PEX5L: variants seen among roughly 807,000 people sequenced by gnomAD.
The protein encoded by PEX5L is PEX5-related protein.
A neutral mutation model predicts 84.0 loss-of-function variants in PEX5L; 30 were observed. The observed-to-expected ratio is 0.36, with a 90% CI of 0.27 to 0.48. PEX5L has a LOEUF of 0.48. Among genes scored for constraint, PEX5L ranks in the 20% least tolerant of loss-of-function variants. The probability of loss-of-function intolerance (pLI) is 0.99; values close to 1 mark genes in which losing one functional copy is unlikely to be tolerated. For synonymous variants in PEX5L, 270 were observed against 283.1 expected (o/e 0.95, Z 0.46); for missense variants, 533 against 754.6 (o/e 0.71, Z 3.44).
rs954429456 is a variant in PEX5L at position 179,800,378 on chromosome 3, C to T, written c.*1450G>A. 3.3e-5 allele frequency: 5 copies of T among 151,978 alleles called. No individual in the cohort carries two copies. Among genetic ancestry groups the T allele is most frequent in the Admixed American group, 6.6e-5 (1 of 15,266 alleles). The allele number at this position is 151,978 out of a possible 1,614,324, so 9.4% of individuals were successfully genotyped here. ...TAGCTACTGTGGGGAAGGTTCTAGA[C>T]GAAGGAAGGAGACCAGGTAAAGAAG... is the stretch of plus-strand genomic sequence containing the variant. On this transcript the variant is annotated 3_prime_UTR_variant, in exon 15 of 15. Transcript: ENST00000467460.
chr3:179,918,467 G>T (rs1768047912), intron 2 of PEX5L, among the ~76,000 whole-genome samples: 1 of 152,140 alleles, frequency 6.6e-6, no homozygotes, highest in Non-Finnish European at 1.5e-5. Flanking sequence ...TAAAATTCTT[G>T]AAGACATTGT....
rs1721933139 is a variant in PEX5L at position 179,807,742 on chromosome 3, C to T, written c.1608G>A (p.Glu536=). Residue 536 remains glutamate, a synonymous_variant, in exon 14 of 15, where the codon GAG becomes GAA. Transcript: ENST00000467460. ...TGGACCGGATGAATCCTGGCTGAAT[C>T]TCCAGTGCTCGCGTATAGGCCTCCA... ...EAVEAYTRAL[E]IQPGFIRSRY... The T allele has an allele frequency of 6.2e-7, 1 of 1,614,188 alleles. No individual in the cohort carries two copies. Among genetic ancestry groups the T allele is most frequent in the Middle Eastern group, 1.6e-4 (1 of 6,062 alleles).
intron 7 of PEX5L, among the ~76,000 whole-genome samples, chr3:179,864,823 C>T (rs9682757): frequency 0.25 from 38,024 of 151,984 alleles, 5,733 homozygotes; most frequent in Non-Finnish European, 0.33. Context: ...CAGTAAAAAA[C>T]GAATTAATAA....
At chr3:179,918,381 T>TTTGG (rs2109347699) in intron 2 of PEX5L, among the ~76,000 whole-genome samples, 1 of 152,314 alleles carries the variant, frequency 6.6e-6, no homozygotes, top group Admixed American at 6.5e-5. Context: ...AAATCCAGGA[T>TTTGG]TTGGGGATAG....
intron 4 of PEX5L, 24 bp from the exon 5 acceptor site, chr3:179,880,147 G>A: frequency 6.8e-7 from 1 of 1,461,340 alleles, no homozygotes; most frequent in Non-Finnish European, 9.3e-7. Flanking sequence ...AAGAGGTTAA[G>A]ATAAGCCCAT....
intron 1 of PEX5L, among the ~76,000 whole-genome samples, chr3:179,994,853 C>T (rs1046839603): frequency 1.3e-4 from 20 of 151,994 alleles, no homozygotes; most frequent in African/African-American, 4.6e-4. Context: ...ATCTTTCTCC[C>T]GTGCTGGATG....
rs1039358259 is a variant in PEX5L, at chr3:179,796,359, T to C, written c.*5469A>G. The C allele has an allele frequency of 1.3e-5, 2 of 152,234 alleles. No homozygotes were observed. The highest frequency in any genetic ancestry group is 3.8e-4 in the East Asian group (2 of 5,200). 9.4% of individuals were successfully genotyped at this position (152,234 alleles called of 1,614,324 possible). ...AGCATTGCAAGTTAGTTTTCTCTTATAGAGAAGGTCCTGAGAAAACAGTTC... is the reference window on the plus strand; with the variant it reads ...AGCATTGCAAGTTAGTTTTCTCTTACAGAGAAGGTCCTGAGAAAACAGTTC... On this transcript the variant is annotated 3_prime_UTR_variant, in exon 15 of 15. Coordinates refer to ENST00000467460, the MANE Select transcript of PEX5L (RefSeq NM_016559.3).
rs553177933 is a variant in PEX5L at position 179,944,234 on chromosome 3, A to G, written c.93+27360T>C. On this transcript the variant is annotated intron_variant, in intron 2 of 14. Transcript: ENST00000467460. ...AAGAGCAACTATTAACTCAGATGAT[A>G]GCAGACTGCTACTTTCAGAGATGCA... Among the ~76,000 whole-genome samples the G allele has an allele frequency of 3.3e-5, 5 of 152,364 alleles. No individual in the cohort carries two copies. In the East Asian group the frequency reaches 7.7e-4, roughly 24 times the overall value.
chr3:179,833,113 GC>G (rs1452016639), intron 8 of PEX5L, among the ~76,000 whole-genome samples: 2 of 152,214 alleles, frequency 1.3e-5, no homozygotes, highest in Non-Finnish European at 2.9e-5. Flanking sequence ...GGGCAGTAGG[GC>G]CAAAGAGAGA....
At chr3:179,831,766 G>A (rs905498126) in intron 8 of PEX5L, among the ~76,000 whole-genome samples, 1 of 152,164 alleles carries the variant, frequency 6.6e-6, no homozygotes, top group African/African-American at 2.4e-5. Flanking sequence ...ATGGCACGAG[G>A]AAAGAAAATT....
chr3:179,881,158 T>A (rs1165062751), intron 4 of PEX5L: 2 of 152,326 alleles, frequency 1.3e-5, no homozygotes, highest in African/African-American at 4.8e-5. Flanking sequence ...TCCTCTTTAA[T>A]CTCCAAGCTT....
intron 2 of PEX5L, among the ~76,000 whole-genome samples, chr3:179,942,626 C>T (rs1245962357): frequency 1.3e-5 from 2 of 152,192 alleles, no homozygotes; most frequent in Admixed American, 1.3e-4. Flanking sequence ...ATGGTTTCTT[C>T]CCAGGACTCT....
intron 2 of PEX5L, among the ~76,000 whole-genome samples, chr3:179,926,292 C>T (rs1220775952): frequency 1.3e-5 from 2 of 152,112 alleles, no homozygotes; most frequent in Non-Finnish European, 2.9e-5. Context: ...AAGGCAAATC[C>T]GATTACATCA....
intron 2 of PEX5L, among the ~76,000 whole-genome samples, chr3:179,926,131 CAG>C (rs1485080897): frequency 1.3e-5 from 2 of 152,164 alleles, no homozygotes; most frequent in African/African-American, 4.8e-5. Context: ...AATCCATCAG[CAG>C]AGTCAATAAA....
intron 2 of PEX5L, among the ~76,000 whole-genome samples, chr3:179,966,104 T>C (rs1560961057): frequency 6.6e-6 from 1 of 152,168 alleles, no homozygotes; most frequent in Non-Finnish European, 1.5e-5. Flanking sequence ...TTCAATTATT[T>C]TTCATCGATC....
Position 179,976,337 on chromosome 3 carries a change from T to C in PEX5L, c.22-4672A>G, listed in dbSNP as rs994606039. Among the ~76,000 whole-genome samples the C allele has an allele frequency of 4.6e-5, 7 of 152,330 alleles. No homozygotes were observed. The East Asian group carries it at 1.3e-3, about 29-fold the overall frequency. ...ACTTCAGGAACAGAAGTGGTGAAGATGGAAGCCAGGTTAGAGTAAATTATT... is the reference window on the plus strand; with the variant it reads ...ACTTCAGGAACAGAAGTGGTGAAGACGGAAGCCAGGTTAGAGTAAATTATT... On this transcript the variant is annotated intron_variant, in intron 1 of 14. Coordinates refer to ENST00000467460, the MANE Select transcript of PEX5L (RefSeq NM_016559.3).
chr3:179,854,421 T>A (rs553821502), intron 8 of PEX5L, among the ~76,000 whole-genome samples: 1 of 152,114 alleles, frequency 6.6e-6, no homozygotes, highest in Non-Finnish European at 1.5e-5. Flanking sequence ...GTTCATACCA[T>A]CTAAAATACA....
intron 1 of PEX5L, among the ~76,000 whole-genome samples, chr3:179,998,052 G>C (rs1055764013): frequency 1.3e-5 from 2 of 152,174 alleles, no homozygotes; most frequent in East Asian, 3.8e-4. Flanking sequence ...ACACACTGGA[G>C]TTATTGGTGA....
At chr3:179,883,596 C>A (rs962868981) in intron 4 of PEX5L, among the ~76,000 whole-genome samples, 1 of 152,116 alleles carries the variant, frequency 6.6e-6, no homozygotes, top group Admixed American at 6.5e-5. Context: ...CCAGCCTGAC[C>A]AAAATGGAGA....
Sources: gnomAD v4.1 joint callset for allele counts (sites outside exome capture counted in the v4.1 genomes callset) on GRCh38, gnomAD v4.1.1 for gene constraint, MANE v1.5 for transcripts, NCBI Gene and HGNC (gene_info 2026-07-23, HGNC 2026-07-21) for gene names.